The following ADAMTSL1 variants were observed in gnomAD, a reference collection of about 807,000 sequenced individuals.
ADAMTSL1 encodes ADAMTS-like protein 1.
In ADAMTSL1, 126 loss-of-function variants were observed where a neutral mutation model predicts 201.8. The observed-to-expected ratio is 0.62, with a 90% CI of 0.54 to 0.72. ADAMTSL1 has a LOEUF of 0.72. ADAMTSL1 is among the 30% of genes least tolerant of loss of function. The pLI is 0.00. For synonymous variants in ADAMTSL1, 1,121 were observed against 903.4 expected (o/e 1.24, Z -4.32); for missense variants, 2,679 against 2,277.8 (o/e 1.18, Z -3.59).
intron 11 of ADAMTSL1, 108 bp downstream of exon 11, chr9:18,680,624 G>A: frequency 8.2e-7 from 1 of 1,226,840 alleles, no homozygotes; most frequent in South Asian, 1.3e-5. Flanking sequence ...TTCTTGAGGT[G>A]TCTAGAAGCC....
intron 2 of ADAMTSL1, among the ~76,000 whole-genome samples, chr9:18,229,550 C>T (rs146013151): frequency 2.5e-3 from 379 of 152,030 alleles, no homozygotes; most frequent in Non-Finnish European, 4.2e-3. Context: ...TTTTAAAATA[C>T]GAGCTCAGTG....
chr9:18,335,885 T>G (rs1252943204), intron 2 of ADAMTSL1, among the ~76,000 whole-genome samples: 2 of 152,144 alleles, frequency 1.3e-5, no homozygotes, highest in African/African-American at 2.4e-5. Context: ...GTAGAAATGT[T>G]TCCAGAAAAA....
At chr9:18,137,632 C>G (rs990201926) in intron 1 of ADAMTSL1, among the ~76,000 whole-genome samples, 2 of 151,906 alleles carry the variant, frequency 1.3e-5, no homozygotes, top group Non-Finnish European at 2.9e-5. Flanking sequence ...ATAACGACTT[C>G]GGAGAAAACT....
At chr9:18,747,680 T>C (rs1250227288) in intron 15 of ADAMTSL1, among the ~76,000 whole-genome samples, 4 of 152,188 alleles carry the variant, frequency 2.6e-5, no homozygotes, top group African/African-American at 9.7e-5. Flanking sequence ...GATATAAATG[T>C]TAGTATTACT....
At chr9:18,630,824 A>C (rs1171465528) in intron 5 of ADAMTSL1, among the ~76,000 whole-genome samples, 1 of 152,202 alleles carries the variant, frequency 6.6e-6, no homozygotes, top group Non-Finnish European at 1.5e-5. Context: ...ACATAGAGCT[A>C]GCCAACTTTT....
At chr9:18,250,837 G>A (rs967901193) in intron 2 of ADAMTSL1, among the ~76,000 whole-genome samples, 11 of 152,044 alleles carry the variant, frequency 7.2e-5, no homozygotes, top group Non-Finnish European at 1.2e-4. Flanking sequence ...GAAATGACTC[G>A]TTTTCTACCA....
intron 1 of ADAMTSL1, among the ~76,000 whole-genome samples, chr9:17,949,580 C>T (rs1563914700): frequency 6.6e-6 from 1 of 152,168 alleles, no homozygotes; most frequent in Non-Finnish European, 1.5e-5. Flanking sequence ...CAGAATCCTG[C>T]ATCCTCCAAG....
At chr9:18,906,655 A>C in intron 27 of ADAMTSL1, 37 bp from the exon 28 acceptor site, 1 of 1,493,394 alleles carries the variant, frequency 6.7e-7, no homozygotes, top group Non-Finnish European at 9.0e-7. Flanking sequence ...CAGCCCCCAC[A>C]GAAGCAAACC....
chr9:18,216,984 G>T (rs901449666), intron 2 of ADAMTSL1, among the ~76,000 whole-genome samples: 7 of 152,132 alleles, frequency 4.6e-5, no homozygotes, highest in African/African-American at 1.7e-4. Flanking sequence ...CCATTAGATT[G>T]TTGGGAGTTG....
intron 23 of ADAMTSL1, among the ~76,000 whole-genome samples, chr9:18,857,545 T>TA (rs1826940735): frequency 6.6e-6 from 1 of 152,252 alleles, no homozygotes; most frequent in Non-Finnish European, 1.5e-5. Context: ...GCTGGGCTCT[T>TA]CTTATCACAC....
chr9:18,418,573 A>G (rs1818796940), intron 2 of ADAMTSL1, among the ~76,000 whole-genome samples: 1 of 152,212 alleles, frequency 6.6e-6, no homozygotes, highest in African/African-American at 2.4e-5. Context: ...GGTAAATGAA[A>G]TTAAAAACCA....
chr9:17,931,969 T>C (rs191965900), intron 1 of ADAMTSL1, among the ~76,000 whole-genome samples: 1 of 152,174 alleles, frequency 6.6e-6, no homozygotes, highest in East Asian at 1.9e-4. Flanking sequence ...AAGACCGCAA[T>C]GTAGAGGCTG....
intron 9 of ADAMTSL1, among the ~76,000 whole-genome samples, chr9:18,670,904 C>T (rs1351331897): frequency 6.6e-6 from 1 of 151,038 alleles, no homozygotes; most frequent in East Asian, 1.9e-4. Context: ...GCCACAGATG[C>T]TCAAATGCCT....
Position 18,110,868 on chromosome 9 carries a change from C to A in ADAMTSL1, c.88-52994C>A, listed in dbSNP as rs149385806. Among the ~76,000 whole-genome samples the A allele has an allele frequency of 2.0e-4, 30 of 152,278 alleles. No individual in the cohort carries two copies. The East Asian group carries it at 5.2e-3, about 26-fold the overall frequency. ...TGAAGAATAAGAGTCAACTGAACCA[C>A]CCCTCCCATAATATGTATCAGTTGA... On this transcript the variant is annotated intron_variant, in intron 1 of 29. Coordinates refer to the ADAMTSL1 transcript ENST00000680146.
At chr9:18,891,918 A>G (rs1056072673) in intron 25 of ADAMTSL1, among the ~76,000 whole-genome samples, 4 of 152,228 alleles carry the variant, frequency 2.6e-5, no homozygotes, top group South Asian at 2.1e-4. Flanking sequence ...TTGAAGGCCA[A>G]AAGTCCAAGA....
chr9:18,606,738 G>A (rs553582534), intron 4 of ADAMTSL1, among the ~76,000 whole-genome samples: 20 of 152,238 alleles, frequency 1.3e-4, no homozygotes, highest in African/African-American at 4.3e-4. Context: ...TCCACACACC[G>A]TACTTCATAA....
At chr9:18,781,481 C>A (rs1588099341) in intron 19 of ADAMTSL1, among the ~76,000 whole-genome samples, 1 of 152,142 alleles carries the variant, frequency 6.6e-6, no homozygotes, top group Non-Finnish European at 1.5e-5. Flanking sequence ...GCTTAGTTTT[C>A]TCTATCTTTC....
intron 1 of ADAMTSL1, among the ~76,000 whole-genome samples, chr9:18,048,670 T>G (rs1821782575): frequency 6.6e-6 from 1 of 152,220 alleles, no homozygotes; most frequent in Admixed American, 6.5e-5. Flanking sequence ...ATAGATTTTA[T>G]GAATGGTTGG....
chr9:18,197,167 C>G (rs1399178588), intron 2 of ADAMTSL1, among the ~76,000 whole-genome samples: 1 of 152,046 alleles, frequency 6.6e-6, no homozygotes, highest in African/African-American at 2.4e-5. Flanking sequence ...GAAGAAAATG[C>G]CTTTAAAAGT....
Sources: allele counts gnomAD v4.1 joint callset (sites outside exome capture counted in the v4.1 genomes callset), GRCh38; gene constraint gnomAD v4.1.1; transcripts MANE v1.5; gene names NCBI Gene and HGNC (gene_info 2026-07-23, HGNC 2026-07-21).